The following ZFAND3 variants were observed in gnomAD, a reference collection of about 807,000 sequenced individuals.
ZFAND3 encodes the protein zinc finger AN1-type containing 3, also known as AN1-type zinc finger protein 3.
ZFAND3 carries 10 observed loss-of-function variants against 29.6 expected under a neutral mutation model. The observed-to-expected ratio is 0.34, with a 90% CI of 0.21 to 0.57. The LOEUF (loss-of-function observed/expected upper bound fraction) is 0.57. ZFAND3 is among the 20% of genes least tolerant of loss of function. ZFAND3 has a pLI of 0.86. For missense variants in ZFAND3, 230 were observed against 304.5 expected (o/e 0.76, Z 1.82); for synonymous variants, 128 against 112.6 (o/e 1.14, Z -0.87).
At chr6:38,130,812 T>C (rs1345818428) in intron 5 of ZFAND3, among the ~76,000 whole-genome samples, 1 of 152,200 alleles carries the variant, frequency 6.6e-6, no homozygotes, top group Non-Finnish European at 1.5e-5. Flanking sequence ...GGTATTAGGG[T>C]GATACTGGCT....
At chr6:37,896,821 T>A (rs1010329972) in intron 1 of ZFAND3, among the ~76,000 whole-genome samples, 1 of 152,038 alleles carries the variant, frequency 6.6e-6, no homozygotes, top group Non-Finnish European at 1.5e-5. Context: ...ATTTCTTAAC[T>A]CTTTGTAGAA....
chr6:37,958,548 C>A (rs541661260), intron 2 of ZFAND3, among the ~76,000 whole-genome samples: 2 of 151,914 alleles, frequency 1.3e-5, no homozygotes, highest in South Asian at 2.1e-4. Flanking sequence ...TTTCTGCCGT[C>A]ACTCTAATTA....
intron 1 of ZFAND3, among the ~76,000 whole-genome samples, chr6:37,861,797 T>A (rs888926312): frequency 2.0e-5 from 3 of 152,258 alleles, no homozygotes; most frequent in African/African-American, 4.8e-5. Context: ...TTAGAAATAC[T>A]TCTTTTTAAG....
At chr6:37,933,757 T>G (rs905052002) in intron 2 of ZFAND3, among the ~76,000 whole-genome samples, 3 of 152,170 alleles carry the variant, frequency 2.0e-5, no homozygotes, top group Admixed American at 2.0e-4. Flanking sequence ...AGAGAGGTTT[T>G]TTTGTTTGTT....
chr6:37,952,368 T>C (rs964519024), intron 2 of ZFAND3, among the ~76,000 whole-genome samples: 4 of 152,168 alleles, frequency 2.6e-5, no homozygotes, highest in African/African-American at 9.7e-5. Flanking sequence ...TTATTACAGA[T>C]TCAATTTCGG....
At chr6:38,081,760 C>T (rs1764666220) in intron 3 of ZFAND3, among the ~76,000 whole-genome samples, 1 of 152,010 alleles carries the variant, frequency 6.6e-6, no homozygotes, top group Admixed American at 6.6e-5. Context: ...CTTGCATACT[C>T]TTGAATTATG....
At chr6:38,146,913 T>A (rs574274342) in intron 5 of ZFAND3, among the ~76,000 whole-genome samples, 1 of 151,972 alleles carries the variant, frequency 6.6e-6, no homozygotes, top group East Asian at 1.9e-4. Context: ...TGTATGTATG[T>A]GAATGAGTCA....
chr6:37,961,132 A>C (rs1209379041), intron 2 of ZFAND3, among the ~76,000 whole-genome samples: 2 of 152,128 alleles, frequency 1.3e-5, no homozygotes, highest in African/African-American at 2.4e-5. Flanking sequence ...TGGCTCTTGG[A>C]TGGCATTTCT....
chr6:37,853,433 AAG>A (rs1764320272), intron 1 of ZFAND3, among the ~76,000 whole-genome samples: 2 of 151,470 alleles, frequency 1.3e-5, no homozygotes, highest in South Asian at 2.1e-4. Flanking sequence ...AAAAAAAAAA[AAG>A]AAGGTGGACT....
At chr6:37,955,596 A>G (rs1010721682) in intron 2 of ZFAND3, among the ~76,000 whole-genome samples, 1 of 152,222 alleles carries the variant, frequency 6.6e-6, no homozygotes, top group African/African-American at 2.4e-5. Context: ...CCAAAGTAGT[A>G]AGTTCTGCTA....
rs984556171 is a variant in ZFAND3 at position 37,842,593 on chromosome 6, A to G, written c.71+22577A>G. 3.3e-5 allele frequency among the ~76,000 whole-genome samples: 5 copies of G among 151,970 alleles called. No individual in the cohort carries two copies. In the East Asian group the frequency reaches 9.6e-4, roughly 29 times the overall value. On this transcript the variant is annotated intron_variant, in intron 1 of 5. Transcript: ENST00000287218. ...TATATATACCCTAATTTGCTTTTTA[A>G]ATAATAATAATAGTACTATAAAAAT...
At chr6:38,041,200 T>C (rs1763753133) in intron 2 of ZFAND3, among the ~76,000 whole-genome samples, 1 of 152,232 alleles carries the variant, frequency 6.6e-6, no homozygotes, top group Non-Finnish European at 1.5e-5. Context: ...AATGTGTGTC[T>C]GTAGTGCATA....
intron 2 of ZFAND3, among the ~76,000 whole-genome samples, chr6:37,953,415 C>A (rs907345745): frequency 2.0e-5 from 3 of 146,542 alleles, no homozygotes; most frequent in Non-Finnish European, 3.0e-5. Context: ...CTACTGTTGT[C>A]ATACGTTTTA....
At chr6:38,070,819 A>G (rs1764439709) in intron 3 of ZFAND3, among the ~76,000 whole-genome samples, 1 of 152,074 alleles carries the variant, frequency 6.6e-6, no homozygotes, top group Non-Finnish European at 1.5e-5. Flanking sequence ...GTGATTGTTT[A>G]CCACAGCATT....
intron 5 of ZFAND3, among the ~76,000 whole-genome samples, chr6:38,119,770 G>T (rs1322325471): frequency 1.3e-5 from 2 of 152,174 alleles, no homozygotes; most frequent in African/African-American, 4.8e-5. Flanking sequence ...CAGTCTCATC[G>T]AGAGCACACA....
intron 2 of ZFAND3, among the ~76,000 whole-genome samples, chr6:38,029,500 C>G (rs1462103400): frequency 2.0e-5 from 3 of 152,184 alleles, no homozygotes; most frequent in Admixed American, 1.3e-4. Flanking sequence ...TTGGATCTCT[C>G]TAACACCAGT....
intron 2 of ZFAND3, among the ~76,000 whole-genome samples, chr6:37,932,661 C>T (rs1415414195): frequency 1.3e-5 from 2 of 152,070 alleles, no homozygotes; most frequent in Admixed American, 6.5e-5. Flanking sequence ...TATCTTGTGC[C>T]CCTAAATGAA....
chr6:37,991,837 A>G (rs1762764323), intron 2 of ZFAND3, among the ~76,000 whole-genome samples: 3 of 152,110 alleles, frequency 2.0e-5, no homozygotes, highest in African/African-American at 4.8e-5. Context: ...TTAATCTTTT[A>G]GCTTTTATAT....
intron 1 of ZFAND3, among the ~76,000 whole-genome samples, chr6:37,899,133 T>C (rs1765272472): frequency 6.6e-6 from 1 of 152,156 alleles, no homozygotes; most frequent in Admixed American, 6.5e-5. Context: ...TCTCCTGACC[T>C]CGTGATCCAC....
Sources: gnomAD v4.1 joint callset for allele counts (sites outside exome capture counted in the v4.1 genomes callset) on GRCh38, gnomAD v4.1.1 for gene constraint, MANE v1.5 for transcripts, NCBI Gene and HGNC (gene_info 2026-07-23, HGNC 2026-07-21) for gene names.